Variants in DCAF6 observed in about 807,000 individuals in gnomAD.
The protein encoded by DCAF6 is DDB1- and CUL4-associated factor 6.
Under a neutral mutation model 125.1 loss-of-function variants are expected in DCAF6, and 54 were observed. That is an observed-to-expected ratio of 0.43 (90% CI 0.35 to 0.54). The LOEUF is 0.54. Ranked by LOEUF, DCAF6 falls within the 20% of genes least tolerant of loss-of-function variation. The pLI, the probability that DCAF6 is intolerant of heterozygous loss-of-function variation, is 0.01. For synonymous variants in DCAF6, 371 were observed against 390.4 expected, an observed-to-expected ratio of 0.95 and a Z score of 0.58; for missense variants, 934 against 1,161.7, an observed-to-expected ratio of 0.80 and a Z score of 2.85.
In DCAF6 at chr1:167,966,263, A is replaced by T. The variant is rs923271985; in HGVS notation, c.160-366A>T. Among the ~76,000 whole-genome samples, 8 of 152,310 alleles carry T rather than the reference A, an allele frequency of 5.3e-5. No homozygotes were observed. In the East Asian group the frequency reaches 1.5e-3, roughly 29 times the overall value. ...CTGGAAACTGGAAGCTTGTTTTTTT[A>T]ATACATCAACTATTAAATCAAGCTT... is the stretch of plus-strand genomic sequence containing the variant. On this transcript the variant is annotated intron_variant, in intron 2 of 21. Coordinates refer to ENST00000367840, the MANE Select transcript of DCAF6 (RefSeq NM_001198956.2).
chr1:168,018,553 G>A (rs1310918547), intron 11 of DCAF6, among the ~76,000 whole-genome samples: 1 of 152,070 alleles, frequency 6.6e-6, no homozygotes, highest in East Asian at 1.9e-4. Flanking sequence ...GAAAATCAGT[G>A]CTTTAAAAGA....
rs748099536 is a variant in DCAF6, at chr1:167,974,948, A to T, written c.371A>T (p.Asn124Ile). Residue 124 changes from asparagine to isoleucine, a missense_variant, in exon 4 of 22, where the codon AAC becomes ATC. This residue lies in a region of DCAF6 where 309 missense variants were observed against 381.2 expected (regional missense o/e 0.81). Coordinates refer to ENST00000367840, the MANE Select transcript of DCAF6 (RefSeq NM_001198956.2). ...GGAGATGGAGTAATATTTTATACCA[A>T]CGTTGAGCAAGATGCAGAAACCAAC... Reference protein sequence around the residue: ...CSGDGVIFYTNVEQDAETNRQ... With the variant: ...CSGDGVIFYTIVEQDAETNRQ... 6.2e-7 allele frequency: 1 copy of T among 1,609,342 alleles called. No individual in the cohort carries two copies. Among genetic ancestry groups the T allele is most frequent in the African/African-American group, 1.3e-5 (1 of 74,928 alleles).
At chr1:168,021,041 A>C (rs1483545495) in intron 11 of DCAF6, among the ~76,000 whole-genome samples, 1 of 152,198 alleles carries the variant, frequency 6.6e-6, no homozygotes, top group Non-Finnish European at 1.5e-5. Context: ...CTGTCTTAAC[A>C]TAGCTTTAAT....
chr1:167,921,660 G>A, the DCAF6 span, among the ~76,000 whole-genome samples: 1 of 151,770 alleles, frequency 6.6e-6, no homozygotes, highest in African/African-American at 2.4e-5. Flanking sequence ...CACTATGTTT[G>A]TCCCCAATCT....
At chr1:167,995,441 A>G (rs1681506431) in intron 7 of DCAF6, among the ~76,000 whole-genome samples, 1 of 152,162 alleles carries the variant, frequency 6.6e-6, no homozygotes, top group Admixed American at 6.6e-5. Flanking sequence ...GCACTTTGGG[A>G]GGTCGAGGCG....
intron 11 of DCAF6, among the ~76,000 whole-genome samples, 199 bp from the exon 12 acceptor site, chr1:168,022,789 C>G (rs200283219): frequency 1.3e-5 from 2 of 152,302 alleles, no homozygotes; most frequent in East Asian, 3.9e-4. Flanking sequence ...AACTCATTCT[C>G]AAAGTTACTA....
Position 167,950,755 on chromosome 1 carries a change from C to G in DCAF6, c.98-1045C>G, listed in dbSNP as rs187100024. On this transcript the variant is annotated intron_variant, in intron 1 of 21. Transcript: ENST00000367840. ...ATTCAGCCTTCTTTCATTACAGCTTCTGAATAAACATGCTTTTTGATCTGT... is the reference window on the plus strand; with the variant it reads ...ATTCAGCCTTCTTTCATTACAGCTTGTGAATAAACATGCTTTTTGATCTGT... 3.2e-3 allele frequency among the ~76,000 whole-genome samples: 492 copies of G among 152,300 alleles called. 11 individuals carry two copies. Among genetic ancestry groups the G allele is most frequent in the Non-Finnish European group, 2.6e-3 (174 of 68,016 alleles).
intron 7 of DCAF6, among the ~76,000 whole-genome samples, chr1:168,000,579 A>C (rs75988885): frequency 0.03 from 4,570 of 152,282 alleles, 234 homozygotes; most frequent in African/African-American, 0.1. Flanking sequence ...CATTATTCAT[A>C]ATAGCCAACA....
the DCAF6 span, among the ~76,000 whole-genome samples, chr1:167,900,411 G>A: frequency 3.3e-5 from 5 of 152,192 alleles, no homozygotes; most frequent in African/African-American, 4.8e-5. Flanking sequence ...GCATGCAAGA[G>A]GGGGCTGGGT....
the DCAF6 span, among the ~76,000 whole-genome samples, chr1:167,890,922 A>C: frequency 6.6e-6 from 1 of 152,110 alleles, no homozygotes; most frequent in Non-Finnish European, 1.5e-5. Context: ...CTAGAATCCA[A>C]ATCTCCAGAC....
At position 168,063,695 on chromosome 1, in the gene DCAF6, C is replaced by A. The variant is rs767187961; in HGVS notation, c.2375C>A (p.Thr792Asn). 6 of 1,604,534 alleles carry A rather than the reference C, an allele frequency of 3.7e-6. No individual in the cohort carries two copies. The highest frequency in any genetic ancestry group is 1.4e-5 in the African/African-American group (1 of 74,004). ...AGGAAAGAAATGGAAGAATTGGATACTTTGAACATTAGAAGGCCGCTAGTA... is the reference window on the plus strand; with the variant it reads ...AGGAAAGAAATGGAAGAATTGGATAATTTGAACATTAGAAGGCCGCTAGTA... ...KERKEMEELD[T>N]LNIRRPLVKM... is the part of the protein sequence containing the mutation. The change falls in exon 18 of 22, where the codon ACT becomes AAT. Residue 792 changes from threonine to asparagine, a missense_variant. Transcript: ENST00000367840.
the DCAF6 span, chr1:167,896,795 G>GGTC: frequency 1.3e-6 from 1 of 795,624 alleles, no homozygotes; most frequent in Non-Finnish European, 2.2e-6. Context: ...ACTGAACAGT[G>GGTC]ATTGGCACAC....
chr1:168,042,849 T>G (rs1025227281), intron 13 of DCAF6, 176 bp from the exon 14 acceptor site: 1 of 517,990 alleles, frequency 1.9e-6, no homozygotes, highest in African/African-American at 1.9e-5. Flanking sequence ...TAAAGTGTGT[T>G]ATGATAGTCA....
the DCAF6 span, among the ~76,000 whole-genome samples, chr1:167,888,573 C>T: frequency 6.6e-6 from 1 of 151,956 alleles, no homozygotes; most frequent in African/African-American, 2.4e-5. Flanking sequence ...TCCCTGTTAG[C>T]ATATAGAAAT....
the DCAF6 span, chr1:167,883,375 G>T: frequency 6.4e-7 from 1 of 1,559,202 alleles, no homozygotes; most frequent in Non-Finnish European, 8.8e-7. Flanking sequence ...TCACCAATGT[G>T]CTTGTCCATG....
intron 2 of DCAF6, among the ~76,000 whole-genome samples, chr1:167,957,945 G>A (rs1675019677): frequency 1.3e-5 from 2 of 151,970 alleles, no homozygotes; most frequent in Non-Finnish European, 2.9e-5. Context: ...TACCTTCTTT[G>A]GAGAAATGTC....
the DCAF6 span, chr1:167,883,664 T>C: frequency 6.2e-7 from 1 of 1,607,922 alleles, no homozygotes; most frequent in Admixed American, 1.7e-5. Flanking sequence ...TAGGTGTCCT[T>C]GGCAGTGGAT....
upstream of DCAF6, among the ~76,000 whole-genome samples, chr1:167,933,491 G>A (rs2301459): frequency 3.9e-4 from 59 of 152,214 alleles, 1 homozygote; most frequent in East Asian, 0.011. Flanking sequence ...GTTACCTGTC[G>A]AGACATACAG....
intron 1 of DCAF6, among the ~76,000 whole-genome samples, chr1:167,949,710 G>A (rs1213842528): frequency 6.6e-6 from 1 of 152,108 alleles, no homozygotes; most frequent in Non-Finnish European, 1.5e-5. Context: ...ATCCAAGAAA[G>A]GTAGCAGTCC....
Sources: allele counts gnomAD v4.1 joint callset (sites outside exome capture counted in the v4.1 genomes callset), GRCh38; gene constraint gnomAD v4.1.1; regional missense constraint gnomAD v4.1.1; transcripts MANE v1.5; gene names NCBI Gene and HGNC (gene_info 2026-07-23, HGNC 2026-07-21).